The following PCDH15 variants were observed in gnomAD, a reference collection of about 807,000 sequenced individuals.
PCDH15 encodes the protein protocadherin-15.
In PCDH15, 129 loss-of-function variants were observed where a neutral mutation model predicts 178.5. The observed-to-expected ratio is 0.72, with a 90% CI of 0.63 to 0.84. PCDH15 has a LOEUF of 0.84. PCDH15 is among the 40% of genes least tolerant of loss of function. PCDH15 has a pLI of 0.00. For missense variants in PCDH15, 2,230 were observed against 2,099.9 expected, an observed-to-expected ratio of 1.06 and a Z score of -1.21; for synonymous variants, 800 against 732.0, an observed-to-expected ratio of 1.09 and a Z score of -1.50.
intron 2 of PCDH15, among the ~76,000 whole-genome samples, chr10:55,534,176 T>G (rs928181424): frequency 3.9e-5 from 6 of 152,028 alleles, no homozygotes; most frequent in African/African-American, 1.4e-4. Context: ...GGCAAAGAAT[T>G]TTTGGCTAAG....
intron 3 of PCDH15, among the ~76,000 whole-genome samples, chr10:54,505,747 C>T (rs2081114207): frequency 6.6e-6 from 1 of 151,848 alleles, no homozygotes; most frequent in Non-Finnish European, 1.5e-5. Context: ...TATACCTGTG[C>T]AACAAAACTG....
chr10:54,678,736 A>G (rs890110075), intron 1 of PCDH15, among the ~76,000 whole-genome samples: 5 of 152,170 alleles, frequency 3.3e-5, no homozygotes, highest in Non-Finnish European at 5.9e-5. Context: ...GGAGGCATAC[A>G]TAATATTATA....
intron 26 of PCDH15, among the ~76,000 whole-genome samples, chr10:53,881,410 C>G (rs1039179634): frequency 1.3e-5 from 2 of 151,960 alleles, no homozygotes; most frequent in Admixed American, 1.3e-4. Flanking sequence ...ACAATACATC[C>G]ATATAACAAA....
intron 2 of PCDH15, among the ~76,000 whole-genome samples, chr10:55,018,129 T>C (rs1283096741): frequency 6.6e-6 from 1 of 152,114 alleles, no homozygotes; most frequent in Non-Finnish European, 1.5e-5. Flanking sequence ...CCAATTTTCA[T>C]CTACCCATTA....
At chr10:55,179,585 C>A (rs1191782222) in intron 1 of PCDH15, among the ~76,000 whole-genome samples, 1 of 152,002 alleles carries the variant, frequency 6.6e-6, no homozygotes, top group Non-Finnish European at 1.5e-5. Flanking sequence ...TGGACTCAGC[C>A]ACAAAGTTAG....
At chr10:53,847,854 T>G (rs1021850829) in intron 28 of PCDH15, among the ~76,000 whole-genome samples, 1 of 152,136 alleles carries the variant, frequency 6.6e-6, no homozygotes, top group Admixed American at 6.5e-5. Context: ...TTTACCTTTT[T>G]TTCTGTGTGA....
At chr10:55,501,963 A>T (rs1199513015) in intron 2 of PCDH15, among the ~76,000 whole-genome samples, 3 of 151,904 alleles carry the variant, frequency 2.0e-5, no homozygotes, top group South Asian at 2.1e-4. Flanking sequence ...AAAAATATTT[A>T]AAAATGTTTT....
chr10:54,477,159 A>C (rs771608889), intron 3 of PCDH15, among the ~76,000 whole-genome samples: 14 of 152,130 alleles, frequency 9.2e-5, no homozygotes, highest in Non-Finnish European at 1.5e-4. Context: ...CTCCAGCCTT[A>C]TCTCTCAGAA....
At chr10:55,600,481 A>T (rs1207829237) in intron 2 of PCDH15, among the ~76,000 whole-genome samples, 1 of 152,158 alleles carries the variant, frequency 6.6e-6, no homozygotes, top group Non-Finnish European at 1.5e-5. Flanking sequence ...TAATTCTATC[A>T]ACAGGATAAG....
chr10:54,753,116 T>C (rs2133018067), intron 1 of PCDH15, among the ~76,000 whole-genome samples: 1 of 152,258 alleles, frequency 6.6e-6, no homozygotes, highest in South Asian at 2.1e-4. Flanking sequence ...TGCACATCCA[T>C]GGTATATATT....
intron 2 of PCDH15, among the ~76,000 whole-genome samples, chr10:54,564,628 A>C (rs1390959091): frequency 6.6e-6 from 1 of 152,144 alleles, no homozygotes; most frequent in Non-Finnish European, 1.5e-5. Context: ...CAAATTAGAA[A>C]AGGGCTTTTT....
intron 2 of PCDH15, among the ~76,000 whole-genome samples, chr10:55,442,885 C>T (rs1259670815): frequency 2.6e-5 from 4 of 151,608 alleles, no homozygotes; most frequent in Non-Finnish European, 2.9e-5. Context: ...CACGTTTTGT[C>T]CCAATTTTAA....
At chr10:54,244,410 C>G (rs1330834050) in intron 8 of PCDH15, among the ~76,000 whole-genome samples, 1 of 152,114 alleles carries the variant, frequency 6.6e-6, no homozygotes, top group Non-Finnish European at 1.5e-5. Context: ...CAATAAAAAC[C>G]TTGGCTGGTG....
intron 2 of PCDH15, among the ~76,000 whole-genome samples, chr10:55,157,464 C>T (rs1187346889): frequency 1.4e-5 from 2 of 148,118 alleles, no homozygotes; most frequent in African/African-American, 2.5e-5. Flanking sequence ...GGTATATACC[C>T]AAAGGATTAT....
chr10:55,592,834 T>C (rs1363702688), intron 2 of PCDH15, among the ~76,000 whole-genome samples: 1 of 152,114 alleles, frequency 6.6e-6, no homozygotes, highest in Non-Finnish European at 1.5e-5. Context: ...TTGCATTTCT[T>C]ATATATACCA....
rs1843041734 is a variant in PCDH15, at chr10:55,292,813, C to T, written c.-156+26786G>A. Among the ~76,000 whole-genome samples, 3 of 152,226 alleles carry T rather than the reference C, an allele frequency of 2.0e-5. No individual in the cohort carries two copies. In the South Asian group the frequency reaches 6.2e-4, roughly 32 times the overall value. Reference sequence around the variant, plus strand: ...CCCCTGTGGCTTTGCAGGGTATATTCTCACTCCTGGCTGCTTTTATGGGCT... The same window carrying T: ...CCCCTGTGGCTTTGCAGGGTATATTTTCACTCCTGGCTGCTTTTATGGGCT... On this transcript the variant is annotated intron_variant, in intron 1 of 5. Transcript: ENST00000458638.
intron 3 of PCDH15, among the ~76,000 whole-genome samples, chr10:54,521,080 G>T (rs1021333022): frequency 9.2e-6 from 1 of 108,700 alleles, no homozygotes; most frequent in African/African-American, 3.6e-5. Flanking sequence ...GGGGAGGGGG[G>T]AGGGATAGTA....
intron 2 of PCDH15, among the ~76,000 whole-genome samples, chr10:55,012,336 A>G (rs1840063883): frequency 6.6e-6 from 1 of 152,114 alleles, no homozygotes; most frequent in Non-Finnish European, 1.5e-5. Context: ...CAAAATTAAG[A>G]TATTTGGTTA....
At chr10:55,070,689 A>G (rs1841714019) in intron 2 of PCDH15, among the ~76,000 whole-genome samples, 1 of 152,084 alleles carries the variant, frequency 6.6e-6, no homozygotes, top group Non-Finnish European at 1.5e-5. Context: ...GCCTTGTAGT[A>G]TAGTTTGAAG....
Sources: gnomAD v4.1 joint callset for allele counts (sites outside exome capture counted in the v4.1 genomes callset) on GRCh38, gnomAD v4.1.1 for gene constraint, MANE v1.5 for transcripts, NCBI Gene and HGNC (gene_info 2026-07-23, HGNC 2026-07-21) for gene names.